The following AGBL4 variants were observed in gnomAD, a reference collection of about 807,000 sequenced individuals.
The protein encoded by AGBL4 is AGBL carboxypeptidase 4.
A neutral mutation model predicts 66.4 loss-of-function variants in AGBL4; 58 were observed. That is an observed-to-expected ratio of 0.87 (90% CI 0.71 to 1.09). The LOEUF (loss-of-function observed/expected upper bound fraction) is 1.09. Among genes scored for constraint, AGBL4 ranks in the 50% least tolerant of loss-of-function variants. The pLI is 0.00. For missense variants in AGBL4, 579 were observed against 631.0 expected, an observed-to-expected ratio of 0.92 and a Z score of 0.88; for synonymous variants, 234 against 222.9, an observed-to-expected ratio of 1.05 and a Z score of -0.44.
intron 9 of AGBL4, among the ~76,000 whole-genome samples, chr1:48,631,002 T>C (rs1232544420): frequency 1.3e-5 from 2 of 152,160 alleles, no homozygotes; most frequent in African/African-American, 4.8e-5. Flanking sequence ...TGTCTGTAAA[T>C]GTCTGTCTCC....
intron 5 of AGBL4, among the ~76,000 whole-genome samples, chr1:48,872,468 A>T (rs756396959): frequency 2.0e-5 from 3 of 152,154 alleles, no homozygotes; most frequent in Non-Finnish European, 4.4e-5. Flanking sequence ...ACAAGATACC[A>T]GTAGGATAAA....
At chr1:49,602,992 G>A (rs1644991090) in intron 3 of AGBL4, among the ~76,000 whole-genome samples, 1 of 152,036 alleles carries the variant, frequency 6.6e-6, no homozygotes. Context: ...TTTAAAAATA[G>A]AATCATTATC....
At chr1:48,640,812 A>G (rs142346194) in intron 8 of AGBL4, among the ~76,000 whole-genome samples, 16 of 152,320 alleles carry the variant, frequency 1.1e-4, no homozygotes, top group African/African-American at 3.6e-4. Flanking sequence ...GCAGAGATAT[A>G]ATGGTTCCAG....
At chr1:49,644,164 C>G (rs1645838574) in intron 3 of AGBL4, among the ~76,000 whole-genome samples, 1 of 151,484 alleles carries the variant, frequency 6.6e-6, no homozygotes, top group African/African-American at 2.4e-5. Flanking sequence ...AAGATGTATA[C>G]TATAAATCCT....
chr1:48,531,924 C>G (rs1643908767), downstream of AGBL4, among the ~76,000 whole-genome samples: 1 of 152,124 alleles, frequency 6.6e-6, no homozygotes, highest in Admixed American at 6.5e-5. Context: ...GCTGGGATTA[C>G]AGGTGCGTGC....
At chr1:49,327,114 C>G (rs187358275) in intron 3 of AGBL4, among the ~76,000 whole-genome samples, 16 of 152,238 alleles carry the variant, frequency 1.1e-4, no homozygotes, top group Admixed American at 1.0e-3. Flanking sequence ...TTACAAGGAC[C>G]CTTGTGATTA....
intron 5 of AGBL4, among the ~76,000 whole-genome samples, chr1:49,044,125 T>C (rs1373310466): frequency 6.6e-6 from 1 of 152,158 alleles, no homozygotes; most frequent in African/African-American, 2.4e-5. Context: ...AAAGTATTGC[T>C]GACAACAAAG....
intron 4 of AGBL4, among the ~76,000 whole-genome samples, chr1:49,120,121 G>C (rs894561417): frequency 6.6e-6 from 1 of 152,078 alleles, no homozygotes; most frequent in African/African-American, 2.4e-5. Flanking sequence ...GATGGGTCTT[G>C]ACTCTATCCA....
At chr1:49,539,746 G>A (rs1459268582) in intron 3 of AGBL4, among the ~76,000 whole-genome samples, 1 of 152,174 alleles carries the variant, frequency 6.6e-6, no homozygotes, top group Non-Finnish European at 1.5e-5. Flanking sequence ...AATATTGAAT[G>A]AGGGCTGTGA....
intron 4 of AGBL4, among the ~76,000 whole-genome samples, chr1:49,123,286 T>C (rs1339278824): frequency 6.6e-6 from 1 of 152,204 alleles, no homozygotes; most frequent in Non-Finnish European, 1.5e-5. Flanking sequence ...AACTTTCTCA[T>C]GGAAAAGGGT....
At chr1:48,828,476 C>T (rs1281101741) in intron 6 of AGBL4, among the ~76,000 whole-genome samples, 3 of 152,204 alleles carry the variant, frequency 2.0e-5, no homozygotes, top group African/African-American at 7.2e-5. Context: ...TGTTGCTAAT[C>T]TCTGAGTTTC....
intron 3 of AGBL4, among the ~76,000 whole-genome samples, chr1:49,524,954 T>C (rs1264577468): frequency 1.3e-5 from 2 of 152,088 alleles, no homozygotes; most frequent in African/African-American, 4.8e-5. Flanking sequence ...GCTTTGGGCT[T>C]AGTGAAATCC....
chr1:49,750,560 T>C (rs1651374379), intron 2 of AGBL4, among the ~76,000 whole-genome samples: 1 of 152,102 alleles, frequency 6.6e-6, no homozygotes, highest in Admixed American at 6.6e-5. Context: ...TCTTAGTATC[T>C]TCTTGGCTAT....
At chr1:49,554,967 G>A (rs1017590477) in intron 3 of AGBL4, among the ~76,000 whole-genome samples, 1 of 152,192 alleles carries the variant, frequency 6.6e-6, no homozygotes, top group African/African-American at 2.4e-5. Context: ...AGCTCTTAAA[G>A]GCAGCACGGA....
Position 49,599,845 on chromosome 1 carries a change from T to C in AGBL4, c.282+97468A>G, listed in dbSNP as rs138049291. Among the ~76,000 whole-genome samples, 37 of 152,316 alleles carry C rather than the reference T, an allele frequency of 2.4e-4. No individual in the cohort carries two copies. The East Asian group carries it at 4.4e-3, about 18-fold the overall frequency. On this transcript the variant is annotated intron_variant, in intron 3 of 13. Transcript: ENST00000371839. ...TCTCATTGCTTTCAAAGAACTTACA[T>C]ATTCCTGCCTTAATTTTATTTACTC...
chr1:49,608,618 CAA>C (rs1296527335), intron 3 of AGBL4, among the ~76,000 whole-genome samples: 1 of 152,092 alleles, frequency 6.6e-6, no homozygotes, highest in South Asian at 2.1e-4. Context: ...GCAGAAAAAA[CAA>C]AAGAGATTCT....
intron 2 of AGBL4, among the ~76,000 whole-genome samples, chr1:49,726,720 C>T (rs1649057779): frequency 6.6e-6 from 1 of 152,094 alleles, no homozygotes. Context: ...ACCAGCACAA[C>T]TCTAAGGACC....
At chr1:49,262,768 C>A (rs1197604280) in intron 3 of AGBL4, among the ~76,000 whole-genome samples, 1 of 152,128 alleles carries the variant, frequency 6.6e-6, no homozygotes, top group Non-Finnish European at 1.5e-5. Flanking sequence ...GGATCTAGAA[C>A]TAGAAATACC....
intron 2 of AGBL4, among the ~76,000 whole-genome samples, chr1:49,817,951 G>A (rs7550913): frequency 0.092 from 14,030 of 152,148 alleles, 851 homozygotes; most frequent in African/African-American, 0.16. Context: ...CTTTGTGCAT[G>A]TGCCATTCAT....
Sources: gnomAD v4.1 joint callset for allele counts (sites outside exome capture counted in the v4.1 genomes callset) on GRCh38, gnomAD v4.1.1 for gene constraint, MANE v1.5 for transcripts, NCBI Gene and HGNC (gene_info 2026-07-23, HGNC 2026-07-21) for gene names.